SYNE2: variants seen among roughly 807,000 people sequenced by gnomAD.
SYNE2 encodes the protein spectrin repeat containing nuclear envelope protein 2, also known as nesprin-2.
A neutral mutation model predicts 856.3 loss-of-function variants in SYNE2; 431 were observed. The observed-to-expected ratio is 0.50, with a 90% CI of 0.47 to 0.55. The LOEUF (loss-of-function observed/expected upper bound fraction) is 0.55, where lower values mean the gene tolerates loss of function less well. Among genes scored for constraint, SYNE2 ranks in the 20% least tolerant of loss-of-function variants. The pLI is 0.00. For synonymous variants in SYNE2, 2,923 were observed against 2,872.3 expected, an observed-to-expected ratio of 1.02 and a Z score of -0.56; for missense variants, 8,129 against 8,023.2, an observed-to-expected ratio of 1.01 and a Z score of -0.50.
intron 2 of SYNE2, among the ~76,000 whole-genome samples, chr14:63,913,927 TCCTGG>T (rs1205767890): frequency 1.4e-4 from 21 of 151,420 alleles, no homozygotes; most frequent in Non-Finnish European, 2.5e-4. Context: ...GGTCTTGAAC[TCCTGG>T]CCTCGAGCTA....
chr14:64,125,213 A>C lies in SYNE2; in HGVS notation c.13554+3A>C, dbSNP rs189739296. 6.2e-7 allele frequency: 1 copy of C among 1,614,120 alleles called. No homozygotes were observed. The highest frequency in any genetic ancestry group is 2.2e-5 in the East Asian group (1 of 44,870). On this transcript the variant is annotated splice_donor_region_variant and intron_variant, in intron 71 of 115. Transcript: ENST00000555002. ...AAGCAAGTAACCTTCAGACACAGGT[A>C]GAAGCTGCACACAATGTGTTTTCCT... is the stretch of plus-strand genomic sequence containing the variant.
intron 1 of SYNE2, among the ~76,000 whole-genome samples, chr14:63,845,945 T>C (rs1890213574): frequency 6.6e-6 from 1 of 151,970 alleles, no homozygotes; most frequent in African/African-American, 2.4e-5. Flanking sequence ...GGTTTCACCA[T>C]GTTGGCCAGG....
At chr14:64,224,978 T>C (rs772301363) in intron 114 of SYNE2, 21 bp from the exon 115 acceptor site, 1 of 1,613,036 alleles carries the variant, frequency 6.2e-7, no homozygotes. Context: ...ACTTACTAAC[T>C]GGAGTTTCTT....
intron 11 of SYNE2, among the ~76,000 whole-genome samples, chr14:63,971,092 T>C (rs2096469484): frequency 6.6e-6 from 1 of 151,712 alleles, no homozygotes; most frequent in Non-Finnish European, 1.5e-5. Flanking sequence ...CATTATAAAA[T>C]TTTTACAGTC....
At chr14:64,088,766 G>C (rs1303789872) in intron 58 of SYNE2, among the ~76,000 whole-genome samples, 1 of 152,014 alleles carries the variant, frequency 6.6e-6, no homozygotes, top group African/African-American at 2.4e-5. Flanking sequence ...ACATAGTAGA[G>C]GCAATTAAAG....
At chr14:64,118,880 G>A (rs897701255) in intron 66 of SYNE2, among the ~76,000 whole-genome samples, 20 of 148,464 alleles carry the variant, frequency 1.3e-4, no homozygotes, top group Middle Eastern at 7.0e-3. Context: ...AAAAAAAAAA[G>A]ATTAGGAAGG....
At chr14:64,112,356 G>A (rs1056445674) in intron 65 of SYNE2, among the ~76,000 whole-genome samples, 98 of 152,236 alleles carry the variant, frequency 6.4e-4, no homozygotes, top group African/African-American at 2.1e-3. Flanking sequence ...TATTTTTTGA[G>A]AGCAAAAGGT....
At chr14:63,820,356 C>CA (rs962583625) in intron 1 of SYNE2, among the ~76,000 whole-genome samples, 9 of 150,060 alleles carry the variant, frequency 6.0e-5, no homozygotes, top group Non-Finnish European at 8.9e-5. Flanking sequence ...TATCCATGTG[C>CA]AAAAAAAAAG....
intron 18 of SYNE2, among the ~76,000 whole-genome samples, chr14:63,985,227 G>A (rs2096615980): frequency 6.6e-6 from 1 of 151,672 alleles, no homozygotes; most frequent in Non-Finnish European, 1.5e-5. Context: ...CTTCTTGGGA[G>A]GCTGAGGCAG....
chr14:64,119,361 T>A (rs142027538), intron 66 of SYNE2, 66 bp from the exon 67 acceptor site: 1 of 1,594,794 alleles, frequency 6.3e-7, no homozygotes, highest in East Asian at 2.2e-5. Context: ...AAGTCTTAAC[T>A]TGTTTGCAGG....
In SYNE2 at chr14:64,186,413, A is replaced by G. The variant is rs771644639; in HGVS notation, c.17557-11A>G. On this transcript the variant is annotated splice_polypyrimidine_tract_variant and intron_variant, in intron 96 of 115. Transcript: ENST00000555002. ...GAAGGCTTTTTACCCCCTTCTTGTGATTAAATGCAGGAACTAGAACAGTCT... is the reference window on the plus strand; with the variant it reads ...GAAGGCTTTTTACCCCCTTCTTGTGGTTAAATGCAGGAACTAGAACAGTCT... The G allele has an allele frequency of 6.2e-7, 1 of 1,614,146 alleles. No homozygotes were observed. The highest frequency in any genetic ancestry group is 8.5e-7 in the Non-Finnish European group (1 of 1,180,016).
chr14:64,202,405 G>T (rs1195607083), intron 99 of SYNE2: 2 of 647,330 alleles, frequency 3.1e-6, no homozygotes, highest in Non-Finnish European at 5.5e-6. Flanking sequence ...GCAGTCTCAG[G>T]CATACCCACG....
At chr14:64,142,574 T>G (rs569030694) in intron 82 of SYNE2, among the ~76,000 whole-genome samples, 1 of 152,216 alleles carries the variant, frequency 6.6e-6, no homozygotes, top group Non-Finnish European at 1.5e-5. Flanking sequence ...TAGGTGACTT[T>G]CCTGGATTAG....
chr14:63,785,821 A>G (rs1265625643), intron 1 of SYNE2, among the ~76,000 whole-genome samples: 1 of 152,068 alleles, frequency 6.6e-6, no homozygotes, highest in Admixed American at 6.6e-5. Flanking sequence ...GTTAAGAAAA[A>G]CAGCACAGGC....
chr14:64,193,582 A>G (rs2098527809), intron 99 of SYNE2, among the ~76,000 whole-genome samples: 1 of 152,110 alleles, frequency 6.6e-6, no homozygotes, highest in Non-Finnish European at 1.5e-5. Context: ...GATCCTACAT[A>G]GGTACCCGGC....
chr14:63,769,742 A>G (rs1237814786), intron 1 of SYNE2, among the ~76,000 whole-genome samples: 10 of 150,622 alleles, frequency 6.6e-5, no homozygotes, highest in Non-Finnish European at 1.3e-4. Context: ...AAGAAAGAAA[A>G]AGAAAAATCA....
chr14:64,176,734 T>G (rs1401711751), intron 95 of SYNE2, among the ~76,000 whole-genome samples: 2 of 152,140 alleles, frequency 1.3e-5, no homozygotes, highest in African/African-American at 2.4e-5. Context: ...AGAAATCACA[T>G]TGGTTAGATG....
intron 82 of SYNE2, among the ~76,000 whole-genome samples, chr14:64,143,493 C>T (rs1014546812): frequency 3.3e-5 from 5 of 152,200 alleles, no homozygotes; most frequent in African/African-American, 9.7e-5. Context: ...TATCCTGGGT[C>T]GTGGTCAGGG....
chr14:64,223,213 C>T lies in SYNE2; in HGVS notation c.20215C>T (p.Arg6739Cys), dbSNP rs142809757. The T allele has an allele frequency of 3.0e-5, 48 of 1,613,862 alleles. No homozygotes were observed. Among genetic ancestry groups the T allele is most frequent in the Middle Eastern group, 1.6e-4 (1 of 6,084 alleles). Residue 6739 changes from arginine to cysteine, a missense_variant, in exon 113 of 116, where the codon CGT becomes TGT. Arg to Cys is a radical substitution (Grantham distance 180, BLOSUM62 -3). Around this residue, in one of 3 missense-constraint regions of SYNE2, gnomAD observed 5,410 missense variants for 5,284.8 expected, o/e 1.02. Transcript: ENST00000555002. The stretch of plus-strand genomic sequence containing the variant: ...GCAACTGGAAAAGGAGCTGGTAGAA[C>T]GTCAACCTCAAGTGGACATGTTACA... ...LMQLEKELVE[R>C]QPQVDMLQEI...
Sources: gnomAD v4.1 joint callset for allele counts (sites outside exome capture counted in the v4.1 genomes callset) on GRCh38, gnomAD v4.1.1 for gene constraint, gnomAD v4.1.1 regional missense constraint, MANE v1.5 for transcripts, NCBI Gene and HGNC (gene_info 2026-07-23, HGNC 2026-07-21) for gene names.